LRFN5: variants seen among roughly 807,000 people sequenced by gnomAD.
The protein encoded by LRFN5 is leucine rich repeat and fibronectin type III domain containing 5.
LRFN5 carries 24 observed loss-of-function variants against 45.6 expected under a neutral mutation model. The observed-to-expected ratio is 0.53, with a 90% CI of 0.38 to 0.74. The LOEUF is 0.74. LRFN5 is among the 30% of genes least tolerant of loss of function. LRFN5 has a pLI of 0.00. For missense variants in LRFN5, 776 were observed against 861.5 expected (o/e 0.90, Z 1.24); for synonymous variants, 340 against 313.8 (o/e 1.08, Z -0.88).
intron 5 of LRFN5, among the ~76,000 whole-genome samples, chr14:41,902,510 C>A (rs1001274708): frequency 1.3e-5 from 2 of 151,766 alleles, no homozygotes; most frequent in African/African-American, 4.8e-5. Flanking sequence ...ATCTTCAGAG[C>A]AGACAAACTT....
intron 2 of LRFN5, among the ~76,000 whole-genome samples, chr14:41,849,183 C>T (rs1889176882): frequency 6.6e-6 from 1 of 151,856 alleles, no homozygotes; most frequent in South Asian, 2.1e-4. Flanking sequence ...ATTACAAAAC[C>T]TTATGTTATT....
intron 1 of LRFN5, among the ~76,000 whole-genome samples, chr14:41,643,682 G>A (rs1269541411): frequency 1.3e-5 from 2 of 150,794 alleles, no homozygotes; most frequent in East Asian, 3.9e-4. Flanking sequence ...TGGCATGCAC[G>A]TGAGAGTGCA....
At chr14:41,610,660 G>GAAAAAAAAAAAAAAA (rs1566586963) in intron 1 of LRFN5, among the ~76,000 whole-genome samples, 1 of 10,510 alleles carries the variant, frequency 9.5e-5, no homozygotes, top group African/African-American at 5.7e-4. Flanking sequence ...CCCAGGGAAG[G>GAAAAAAAAAAAAAAA]TAAAAAAAAA....
chr14:41,799,330 G>C (rs1057059507), intron 2 of LRFN5, among the ~76,000 whole-genome samples: 5 of 151,992 alleles, frequency 3.3e-5, no homozygotes, highest in African/African-American at 4.8e-5. Flanking sequence ...CTGGGAATTT[G>C]AAGGTTGGAT....
At position 41,842,219 on chromosome 14, in the gene LRFN5, T is replaced by C. The variant is rs191900881; in HGVS notation, c.-20-44387T>C. Among the ~76,000 whole-genome samples the C allele has an allele frequency of 9.9e-5, 15 of 152,222 alleles. No homozygotes were observed. In the East Asian group the frequency reaches 2.7e-3, roughly 27 times the overall value. ...ATCTGTTGCATTTGTAGATATTGCATTGAGATTATCACAAAAATTAACTAA... is the reference window on the plus strand; with the variant it reads ...ATCTGTTGCATTTGTAGATATTGCACTGAGATTATCACAAAAATTAACTAA... On this transcript the variant is annotated intron_variant, in intron 2 of 5. Coordinates refer to ENST00000298119, the MANE Select transcript of LRFN5 (RefSeq NM_152447.5).
intron 2 of LRFN5, among the ~76,000 whole-genome samples, chr14:41,880,929 T>C (rs998722110): frequency 3.3e-5 from 5 of 152,222 alleles, no homozygotes; most frequent in African/African-American, 1.2e-4. Flanking sequence ...TATAGCCACA[T>C]CAACTTTTTA....
Position 41,886,712 on chromosome 14 carries a change from G to A in LRFN5, c.87G>A (p.Leu29=), listed in dbSNP as rs1380634395. 7 of 1,614,096 alleles carry A rather than the reference G, an allele frequency of 4.3e-6. 1 individual carries two copies. Among genetic ancestry groups the A allele is most frequent in the East Asian group, 4.5e-5 (2 of 44,870 alleles). ...ICPKRCVCQI[L]SPNLATLCAK... is the part of the protein sequence containing the mutation. ...CAAAGCGTTGTGTCTGTCAGATTTT[G>A]TCTCCTAATCTTGCAACCCTTTGTG... The change falls in exon 3 of 6, where the codon TTG becomes TTA. Residue 29 remains leucine (L), a synonymous_variant. Coordinates refer to ENST00000298119, the MANE Select transcript of LRFN5 (RefSeq NM_152447.5).
In LRFN5 at chr14:41,678,004, G is replaced by T. The variant is rs543801296; in HGVS notation, c.-197+69442G>T. ...GCAATCTAATGAAAATATTGTCAGAGATTGTCATGATAATTTAAAAAGAAA... is the reference window on the plus strand; with the variant it reads ...GCAATCTAATGAAAATATTGTCAGATATTGTCATGATAATTTAAAAAGAAA... On this transcript the variant is annotated intron_variant, in intron 1 of 5. Transcript: ENST00000298119. 2.0e-5 allele frequency among the ~76,000 whole-genome samples: 3 copies of T among 152,016 alleles called. No homozygotes were observed. In the East Asian group the frequency reaches 5.8e-4, roughly 29 times the overall value.
chr14:41,894,469 G>A (rs1890875782), intron 4 of LRFN5: 1 of 958,480 alleles, frequency 1.0e-6, no homozygotes, highest in Non-Finnish European at 1.2e-6. Context: ...TTGAACACTT[G>A]TTCTTAAAAA....
rs1888315160 is a variant in LRFN5 at position 41,826,886 on chromosome 14, T to C, written c.-20-59720T>C. On this transcript the variant is annotated intron_variant, in intron 2 of 5. Coordinates refer to ENST00000298119, the MANE Select transcript of LRFN5 (RefSeq NM_152447.5). Reference sequence around the variant, plus strand: ...TTTTGATTCACAAAATAAGTAATTATTTTGATTCACAAAATAAGTAATTAT... The same window carrying C: ...TTTTGATTCACAAAATAAGTAATTACTTTGATTCACAAAATAAGTAATTAT... Among the ~76,000 whole-genome samples the C allele has an allele frequency of 2.0e-5, 3 of 152,296 alleles. No individual in the cohort carries two copies. The South Asian group carries it at 6.2e-4, about 32-fold the overall frequency.
intron 2 of LRFN5, among the ~76,000 whole-genome samples, chr14:41,786,959 C>G (rs1030020024): frequency 2.0e-5 from 3 of 151,890 alleles, no homozygotes; most frequent in Non-Finnish European, 4.4e-5. Flanking sequence ...TATTGCATTT[C>G]TTATATCTCC....
chr14:41,733,189 T>G (rs1415765515), intron 1 of LRFN5, among the ~76,000 whole-genome samples: 1 of 152,124 alleles, frequency 6.6e-6, no homozygotes, highest in Non-Finnish European at 1.5e-5. Flanking sequence ...GCTTTCCAAA[T>G]TTGATGAAAG....
At chr14:41,739,290 T>C (rs1176596356) in intron 1 of LRFN5, among the ~76,000 whole-genome samples, 2 of 151,944 alleles carry the variant, frequency 1.3e-5, no homozygotes, top group East Asian at 3.9e-4. Context: ...GAGGGTGGCG[T>C]GGGAAGATTG....
At chr14:41,881,825 A>G (rs955367381) in intron 2 of LRFN5, among the ~76,000 whole-genome samples, 3 of 152,150 alleles carry the variant, frequency 2.0e-5, no homozygotes, top group African/African-American at 7.2e-5. Flanking sequence ...ACATTTAAAA[A>G]TTGTTTTTCA....
intron 2 of LRFN5, among the ~76,000 whole-genome samples, chr14:41,811,567 C>T (rs1221751826): frequency 3.9e-5 from 6 of 152,062 alleles, no homozygotes; most frequent in Admixed American, 3.9e-4. Flanking sequence ...GGTATATACA[C>T]AGTGAACTAT....
At chr14:41,683,255 ATAAAAT>A (rs1315078330) in intron 1 of LRFN5, among the ~76,000 whole-genome samples, 2 of 152,200 alleles carry the variant, frequency 1.3e-5, no homozygotes, top group African/African-American at 4.8e-5. Flanking sequence ...GAGGGCTTTG[ATAAAAT>A]TAAACATCTC....
chr14:41,817,860 G>A (rs1387215669), intron 2 of LRFN5, among the ~76,000 whole-genome samples: 2 of 152,104 alleles, frequency 1.3e-5, no homozygotes, highest in African/African-American at 4.8e-5. Flanking sequence ...CAATTTATCA[G>A]TCATAACTGA....
chr14:41,647,105 A>G (rs114056875), intron 1 of LRFN5, among the ~76,000 whole-genome samples: 1 of 152,200 alleles, frequency 6.6e-6, no homozygotes, highest in African/African-American at 2.4e-5. Flanking sequence ...AGTCTTATCA[A>G]GTTCCCCTGA....
intron 2 of LRFN5, among the ~76,000 whole-genome samples, chr14:41,856,675 A>ATTATTATTATTTT: frequency 7.1e-4 from 13 of 18,326 alleles, no homozygotes; most frequent in Non-Finnish European, 1.3e-3. Flanking sequence ...TATTATTATT[A>ATTATTATTATTTT]TTTTTTTTTT....
Sources: allele counts gnomAD v4.1 joint callset (sites outside exome capture counted in the v4.1 genomes callset), GRCh38; gene constraint gnomAD v4.1.1; transcripts MANE v1.5; gene names NCBI Gene and HGNC (gene_info 2026-07-23, HGNC 2026-07-21).